AK5: variants seen among roughly 807,000 people sequenced by gnomAD.
AK5 encodes adenylate kinase isoenzyme 5.
In AK5, 27 loss-of-function variants were observed where a neutral mutation model predicts 69.5. The ratio of observed to expected loss-of-function variants is 0.39; its 90% CI spans 0.29 to 0.54. The LOEUF (loss-of-function observed/expected upper bound fraction) is 0.54, where lower values mean the gene tolerates loss of function less well. Among genes scored for constraint, AK5 ranks in the 20% least tolerant of loss-of-function variants. The probability of loss-of-function intolerance (pLI) is 0.71; values close to 1 mark genes in which losing one functional copy is unlikely to be tolerated. For synonymous variants in AK5, 260 were observed against 244.4 expected, an observed-to-expected ratio of 1.06 and a Z score of -0.60; for missense variants, 531 against 700.4, an observed-to-expected ratio of 0.76 and a Z score of 2.73.
intron 8 of AK5, among the ~76,000 whole-genome samples, chr1:77,462,925 A>G (rs573798142): frequency 2.6e-4 from 39 of 152,318 alleles, no homozygotes; most frequent in African/African-American, 8.7e-4. Context: ...CCTTAAAGTT[A>G]TCTTAAAATT....
At chr1:77,482,656 C>A (rs1010685142) in intron 8 of AK5, among the ~76,000 whole-genome samples, 9 of 151,734 alleles carry the variant, frequency 5.9e-5, no homozygotes, top group Non-Finnish European at 1.3e-4. Context: ...GCCTGTATTG[C>A]CAGGTACTGG....
At position 77,536,022 on chromosome 1, in the gene AK5, A is replaced by C; in HGVS notation, c.1604A>C (p.Lys535Thr). The C allele has an allele frequency of 6.2e-7, 1 of 1,613,186 alleles. No individual in the cohort carries two copies. ...SIPVIAYYET[K>T]TQLHKINAEG... ...CCCGTGATCGCCTACTACGAGACAAAAACACAGCTACACAAGGCGAGTCAC... is the reference window on the plus strand; with the variant it reads ...CCCGTGATCGCCTACTACGAGACAACAACACAGCTACACAAGGCGAGTCAC... The change falls in exon 13 of 14, where the codon AAA becomes ACA. Residue 535 changes from lysine (K) to threonine (T), a missense_variant. Lys to Thr is a moderately conservative substitution (Grantham distance 78). Transcript: ENST00000354567.
intron 6 of AK5, among the ~76,000 whole-genome samples, chr1:77,389,192 T>A (rs1333213066): frequency 1.3e-5 from 2 of 152,210 alleles, no homozygotes; most frequent in African/African-American, 4.8e-5. Flanking sequence ...AGAGAGAGAC[T>A]GTAGAATTAC....
intron 6 of AK5, among the ~76,000 whole-genome samples, chr1:77,386,442 G>A (rs1648034047): frequency 6.6e-6 from 1 of 152,186 alleles, no homozygotes; most frequent in Non-Finnish European, 1.5e-5. Flanking sequence ...GTGGAGGACT[G>A]TGGGGTGAAA....
At chr1:77,484,007 C>CA (rs1382225110) in intron 9 of AK5, among the ~76,000 whole-genome samples, 10 of 151,884 alleles carry the variant, frequency 6.6e-5, no homozygotes, top group Non-Finnish European at 1.5e-4. Context: ...ACTAAAAATA[C>CA]AAAAAAATTT....
At chr1:77,438,295 A>C (rs1321402200) in intron 8 of AK5, among the ~76,000 whole-genome samples, 2 of 16,274 alleles carry the variant, frequency 1.2e-4, no homozygotes, top group East Asian at 2.3e-3. Context: ...TATTTGGTAC[A>C]AAAAAAAAAA....
At chr1:77,302,169 G>T (rs1012947802) in intron 5 of AK5, among the ~76,000 whole-genome samples, 2 of 151,988 alleles carry the variant, frequency 1.3e-5, no homozygotes, top group African/African-American at 2.4e-5. Context: ...TAAGTGCTGG[G>T]ATTACAGGTG....
rs1660292394 is a variant in AK5, at chr1:77,559,103, T to A, written c.*433T>A. ...CATACTGTTCCCCAATGGAGGCCCC[T>A]GGCATAGGGGACAGCCCTGGGCATC... On this transcript the variant is annotated 3_prime_UTR_variant, in exon 14 of 14. Transcript: ENST00000354567. The A allele has an allele frequency of 1.3e-5, 2 of 153,858 alleles. No individual in the cohort carries two copies. Among genetic ancestry groups the A allele is most frequent in the African/African-American group, 4.8e-5 (2 of 41,452 alleles). 9.5% of individuals were successfully genotyped at this position (153,858 alleles called of 1,614,324 possible). A position where few individuals can be genotyped will look rare whatever the true frequency, so the allele number is the denominator to read the frequency against.
At chr1:77,526,669 G>T (rs182611091) in intron 12 of AK5, among the ~76,000 whole-genome samples, 35 of 151,328 alleles carry the variant, frequency 2.3e-4, no homozygotes, top group Admixed American at 2.0e-3. Context: ...TAGAGATGGG[G>T]TTTCACCGTG....
At chr1:77,405,182 T>C (rs1649536471) in intron 6 of AK5, among the ~76,000 whole-genome samples, 1 of 152,246 alleles carries the variant, frequency 6.6e-6, no homozygotes, top group African/African-American at 2.4e-5. Flanking sequence ...GGCTTTATGC[T>C]GGGATATTAA....
intron 6 of AK5, among the ~76,000 whole-genome samples, chr1:77,377,221 G>A (rs1647309039): frequency 6.6e-6 from 1 of 152,020 alleles, no homozygotes; most frequent in African/African-American, 2.4e-5. Context: ...CTCTCTACTT[G>A]GGTGTCACAC....
chr1:77,409,779 T>C (rs1286679227), intron 6 of AK5, among the ~76,000 whole-genome samples: 1 of 152,216 alleles, frequency 6.6e-6, no homozygotes, highest in Non-Finnish European at 1.5e-5. Flanking sequence ...CTGTTGTTGC[T>C]ATTGCTTTTC....
chr1:77,313,801 C>T (rs752245341), intron 5 of AK5: 10 of 532,392 alleles, frequency 1.9e-5, no homozygotes, highest in Non-Finnish European at 3.9e-5. Context: ...TCAGTACAGC[C>T]TACGCCCTCA....
intron 12 of AK5, among the ~76,000 whole-genome samples, chr1:77,535,032 C>T (rs889459171): frequency 5.9e-5 from 9 of 152,064 alleles, no homozygotes; most frequent in African/African-American, 1.9e-4. Flanking sequence ...GGTAGGGCAT[C>T]TCCGTCCACA....
chr1:77,543,774 G>A (rs1390069030), intron 13 of AK5, among the ~76,000 whole-genome samples: 1 of 152,146 alleles, frequency 6.6e-6, no homozygotes, highest in African/African-American at 2.4e-5. Context: ...TAGGAAGCTG[G>A]GAAGCTGTAT....
At chr1:77,482,596 A>G (rs1193089699) in intron 8 of AK5, among the ~76,000 whole-genome samples, 2 of 152,062 alleles carry the variant, frequency 1.3e-5, no homozygotes, top group African/African-American at 2.4e-5. Context: ...AACATGGTGA[A>G]ACTCTGTCTC....
chr1:77,423,199 C>T (rs550715452), intron 8 of AK5, among the ~76,000 whole-genome samples: 2 of 117,106 alleles, frequency 1.7e-5, no homozygotes, highest in Admixed American at 1.1e-4. Context: ...CCTGCCTGGG[C>T]AACAGAGCAA....
Position 77,297,900 on chromosome 1 carries a change from G to A in AK5, c.652G>A (p.Asp218Asn). Reference sequence around the variant, plus strand: ...ACCTGATGAAGAGGGCATTGTTATTGATGGATTTCCAAGAGATGTTGCCCA... The same window carrying A: ...ACCTGATGAAGAGGGCATTGTTATTAATGGATTTCCAAGAGATGTTGCCCA... ...QIPDEEGIVI[D>N]GFPRDVAQAL... The change falls in exon 5 of 14, where the codon GAT becomes AAT. Residue 218 changes from aspartate to asparagine, a missense_variant. Asp to Asn is a conservative substitution (Grantham distance 23, BLOSUM62 1). Transcript: ENST00000354567. The A allele has an allele frequency of 6.2e-7, 1 of 1,613,492 alleles. No homozygotes were observed. The highest frequency in any genetic ancestry group is 8.5e-7 in the Non-Finnish European group (1 of 1,179,748).
At chr1:77,373,237 G>A (rs1647154327) in intron 6 of AK5, among the ~76,000 whole-genome samples, 1 of 152,064 alleles carries the variant, frequency 6.6e-6, no homozygotes, top group Non-Finnish European at 1.5e-5. Context: ...TACATTTGAG[G>A]CATAGACTTC....
Sources: allele counts gnomAD v4.1 joint callset (sites outside exome capture counted in the v4.1 genomes callset), GRCh38; gene constraint gnomAD v4.1.1; transcripts MANE v1.5; gene names NCBI Gene and HGNC (gene_info 2026-07-23, HGNC 2026-07-21).